BICRAL: variants seen among roughly 807,000 people sequenced by gnomAD.
BICRAL encodes the protein BRD4-interacting chromatin-remodeling complex-associated protein-like.
A neutral mutation model predicts 91.8 loss-of-function variants in BICRAL; 8 were observed. The ratio of observed to expected loss-of-function variants is 0.09; its 90% CI spans 0.05 to 0.16. The LOEUF (loss-of-function observed/expected upper bound fraction) is 0.16, where lower values mean the gene tolerates loss of function less well. Ranked by LOEUF, BICRAL falls within the 10% of genes least tolerant of loss-of-function variation. The probability of loss-of-function intolerance (pLI) is 1.00; values close to 1 mark genes in which losing one functional copy is unlikely to be tolerated. For synonymous variants in BICRAL, 445 were observed against 491.1 expected, an observed-to-expected ratio of 0.91 and a Z score of 1.24; for missense variants, 1,038 against 1,310.9, an observed-to-expected ratio of 0.79 and a Z score of 3.21.
chr6:42,798,144 G>A (rs1763463342), intron 1 of BICRAL, among the ~76,000 whole-genome samples: 2 of 151,880 alleles, frequency 1.3e-5, no homozygotes, highest in African/African-American at 2.4e-5. Flanking sequence ...ACAATGGTAC[G>A]CATGGACATA....
intron 11 of BICRAL, among the ~76,000 whole-genome samples, chr6:42,861,775 G>A (rs1765563634): frequency 6.6e-6 from 1 of 152,112 alleles, no homozygotes; most frequent in Middle Eastern, 3.2e-3. Flanking sequence ...GAGGTGGGTG[G>A]ATCACCTGAG....
At chr6:42,814,321 A>G (rs1319322419) in intron 2 of BICRAL, among the ~76,000 whole-genome samples, 2 of 126,594 alleles carry the variant, frequency 1.6e-5, no homozygotes, top group Admixed American at 8.4e-5. Flanking sequence ...TGTAGTCTCA[A>G]CCCCCTGAGT....
chr6:42,791,238 C>G (rs1213901557), intron 1 of BICRAL, among the ~76,000 whole-genome samples: 1 of 152,102 alleles, frequency 6.6e-6, no homozygotes, highest in Admixed American at 6.6e-5. Flanking sequence ...TACCCAGGTT[C>G]TCCTTAATCC....
intron 11 of BICRAL, among the ~76,000 whole-genome samples, chr6:42,861,939 C>G (rs1158918512): frequency 6.6e-6 from 1 of 152,164 alleles, no homozygotes; most frequent in African/African-American, 2.4e-5. Flanking sequence ...GTGAAGGTTG[C>G]AGAGAGCCAA....
At chr6:42,776,908 T>A (rs1021746859) in intron 1 of BICRAL, among the ~76,000 whole-genome samples, 3 of 152,240 alleles carry the variant, frequency 2.0e-5, no homozygotes, top group Non-Finnish European at 4.4e-5. Context: ...ACCCCCTTAA[T>A]ATATGGGTCT....
chr6:42,788,187 A>G (rs1383188177), intron 1 of BICRAL, among the ~76,000 whole-genome samples: 1 of 151,786 alleles, frequency 6.6e-6, no homozygotes, highest in Non-Finnish European at 1.5e-5. Flanking sequence ...AGACTAATCC[A>G]GAAGAGAGAC....
chr6:42,811,623 G>GAA (rs34979167), intron 2 of BICRAL, among the ~76,000 whole-genome samples: 3 of 84,768 alleles, frequency 3.5e-5, no homozygotes. Flanking sequence ...CCATCTCAAA[G>GAA]AAAAAAAAAA....
chr6:42,810,278 G>A (rs545395783), intron 1 of BICRAL, 28 bp from the exon 2 acceptor site: 1 of 152,150 alleles, frequency 6.6e-6, no homozygotes, highest in Non-Finnish European at 1.5e-5. Context: ...GGATATAATT[G>A]TGAAAATATT....
intron 12 of BICRAL, among the ~76,000 whole-genome samples, chr6:42,863,985 G>A (rs112971027): frequency 0.22 from 33,803 of 151,914 alleles, 3,882 homozygotes; most frequent in Non-Finnish European, 0.25. Context: ...CCAACATGGC[G>A]AAACCCTGCC....
Position 42,829,741 on chromosome 6 carries a change from G to C in BICRAL, c.1408G>C (p.Val470Leu). The C allele has an allele frequency of 6.2e-7, 1 of 1,614,082 alleles. No homozygotes were observed. Among genetic ancestry groups the C allele is most frequent in the Non-Finnish European group, 8.5e-7 (1 of 1,179,982 alleles). Residue 470 changes from valine (V) to leucine (L), a missense_variant, in exon 6 of 13, where the codon GTC (valine) becomes CTC (leucine). Coordinates refer to ENST00000314073, the MANE Select transcript of BICRAL (RefSeq NM_001393499.1). ...GATGCTTAACAACCAGAATACTGCT[G>C]TCCACTTAGTGTCTGGGCAGACATT... ...GPMLNNQNTA[V>L]HLVSGQTFAA...
chr6:42,861,127 A>T (rs1451592635), intron 11 of BICRAL, among the ~76,000 whole-genome samples: 2 of 152,096 alleles, frequency 1.3e-5, no homozygotes, highest in East Asian at 3.9e-4. Flanking sequence ...ACTCTGTCTC[A>T]ATAAAATAAT....
At chr6:42,827,564 T>C (rs1446686449) in intron 5 of BICRAL, among the ~76,000 whole-genome samples, 1 of 152,256 alleles carries the variant, frequency 6.6e-6, no homozygotes, top group African/African-American at 2.4e-5. Flanking sequence ...TTTTGCATCA[T>C]GTCGGTGTAG....
At chr6:42,856,932 TA>T (rs1765377557) in intron 9 of BICRAL, among the ~76,000 whole-genome samples, 158 bp from the exon 10 acceptor site, 2 of 152,240 alleles carry the variant, frequency 1.3e-5, no homozygotes, top group East Asian at 1.9e-4. Context: ...TGGGGCTAGT[TA>T]AACTAAGTTA....
At chr6:42,849,317 C>T (rs1336101415) in intron 6 of BICRAL, among the ~76,000 whole-genome samples, 1 of 152,132 alleles carries the variant, frequency 6.6e-6, no homozygotes, top group Non-Finnish European at 1.5e-5. Context: ...ATTTCCTGGG[C>T]TCAAGTGATC....
intron 1 of BICRAL, among the ~76,000 whole-genome samples, chr6:42,800,028 C>T (rs189816217): frequency 1.8e-4 from 28 of 152,124 alleles, no homozygotes; most frequent in Non-Finnish European, 8.8e-5. Flanking sequence ...TACAGGCATG[C>T]ACTACCACAT....
At chr6:42,822,179 A>C (rs547164993) in intron 3 of BICRAL, 116 bp downstream of exon 3, 5 of 631,064 alleles carry the variant, frequency 7.9e-6, no homozygotes, top group Middle Eastern at 5.8e-4. Flanking sequence ...TTAAATAATA[A>C]TCATAGGTTT....
chr6:42,840,044 G>A, intron 6 of BICRAL, among the ~76,000 whole-genome samples: 1 of 152,250 alleles, frequency 6.6e-6, no homozygotes, highest in Non-Finnish European at 1.5e-5. Flanking sequence ...TCAAACAAAA[G>A]TAAAGAAATT....
intron 5 of BICRAL, 137 bp from the exon 6 acceptor site, chr6:42,828,356 A>G (rs1764364651): frequency 2.9e-6 from 2 of 688,758 alleles, no homozygotes; most frequent in East Asian, 2.9e-5. Flanking sequence ...AGCCGAGATC[A>G]CGCCACTGCA....
At chr6:42,763,190 C>T (rs1762580383) in intron 1 of BICRAL, among the ~76,000 whole-genome samples, 1 of 152,130 alleles carries the variant, frequency 6.6e-6, no homozygotes, top group Non-Finnish European at 1.5e-5. Context: ...CTCATTTAAT[C>T]TTCATGGTAA....
Sources: allele counts gnomAD v4.1 joint callset (sites outside exome capture counted in the v4.1 genomes callset), GRCh38; gene constraint gnomAD v4.1.1; transcripts MANE v1.5; gene names NCBI Gene and HGNC (gene_info 2026-07-23, HGNC 2026-07-21).